PTPN4: variants seen among roughly 807,000 people sequenced by gnomAD.
PTPN4 encodes protein tyrosine phosphatase non-receptor type 4, also known as tyrosine-protein phosphatase non-receptor type 4.
PTPN4 carries 49 observed loss-of-function variants against 135.5 expected under a neutral mutation model. The ratio of observed to expected loss-of-function variants is 0.36; its 90% confidence interval spans 0.29 to 0.46. The LOEUF is 0.46. PTPN4 is among the 20% of genes least tolerant of loss of function. The pLI is 1.00. For synonymous variants in PTPN4, 333 were observed against 369.9 expected, an observed-to-expected ratio of 0.90 and a Z score of 1.14; for missense variants, 860 against 1,101.0, an observed-to-expected ratio of 0.78 and a Z score of 3.10.
At chr2:119,822,651 C>T (rs997795135) in intron 2 of PTPN4, among the ~76,000 whole-genome samples, 6 of 152,178 alleles carry the variant, frequency 3.9e-5, no homozygotes, top group African/African-American at 1.2e-4. Context: ...GCCACCGCAC[C>T]CGGCCTGTGT....
Position 119,946,396 on chromosome 2 carries a change from A to C in PTPN4, c.1571A>C (p.Glu524Ala), listed in dbSNP as rs371328492. ...NLVLIRMKPD[E>A]NGRFGFNVKG... The stretch of plus-strand genomic sequence containing the variant: ...GTCCTAATCAGAATGAAACCTGATG[A>C]AAATGGGAGGTTTGGATTCAATGTA... Residue 524 changes from glutamate (E) to alanine (A), a missense_variant, in exon 17 of 27, where the codon GAA (glutamate) becomes GCA (alanine). Physicochemically the swap from Glu to Ala is moderately radical, Grantham distance 107. Transcript: ENST00000263708. The C allele has an allele frequency of 6.2e-7, 1 of 1,611,708 alleles. No individual in the cohort carries two copies. Among genetic ancestry groups the C allele is most frequent in the Non-Finnish European group, 8.5e-7 (1 of 1,178,694 alleles).
At chr2:119,967,709 T>C in intron 25 of PTPN4, 128 bp from the exon 26 acceptor site, 1 of 768,594 alleles carries the variant, frequency 1.3e-6, no homozygotes, top group South Asian at 4.1e-5. Context: ...TTTGGCTTAC[T>C]ACTTTTATAA....
chr2:119,837,496 C>T (rs1000410032), intron 2 of PTPN4, among the ~76,000 whole-genome samples: 1 of 145,332 alleles, frequency 6.9e-6, no homozygotes, highest in African/African-American at 2.8e-5. Context: ...TCCGTGAACT[C>T]CTCTCTGCCT....
chr2:119,902,244 T>C (rs184295727), intron 10 of PTPN4, among the ~76,000 whole-genome samples: 1 of 152,176 alleles, frequency 6.6e-6, no homozygotes. Context: ...TCAGAAACCA[T>C]GTAAGCAAGA....
At chr2:119,765,914 C>CTGTGTGTGTG (rs61700411) in intron 1 of PTPN4, among the ~76,000 whole-genome samples, 4 of 150,258 alleles carry the variant, frequency 2.7e-5, no homozygotes, top group Admixed American at 6.6e-5. Flanking sequence ...GTGTGTGAAT[C>CTGTGTGTGTG]TGTGTGTGTG....
rs377290372 is a variant in PTPN4 at position 119,915,250 on chromosome 2, C to T, written c.828+8C>T. 30 of 1,507,328 alleles carry T rather than the reference C, an allele frequency of 2.0e-5. No individual in the cohort carries two copies. In the African/African-American group the frequency reaches 2.8e-4, roughly 14 times the overall value. The allele number at this position is 1,507,328 out of a possible 1,614,324, so 93.4% of individuals were successfully genotyped here. A position where few individuals can be genotyped will look rare whatever the true frequency, so the allele number is the denominator to read the frequency against. ...CAACTTAGAAAAGAATTGGTGAGTA[C>T]GGATTTAATAATTATTGACATAAAT... On this transcript the variant is annotated splice_region_variant and intron_variant, in intron 11 of 26. Transcript: ENST00000263708.
intron 1 of PTPN4, among the ~76,000 whole-genome samples, chr2:119,782,974 G>T (rs151165886): frequency 6.7e-6 from 1 of 148,474 alleles, no homozygotes; most frequent in African/African-American, 2.5e-5. Context: ...TTACAGGTGT[G>T]AGCCACCACG....
chr2:119,925,000 T>C (rs778903117), intron 12 of PTPN4, among the ~76,000 whole-genome samples: 1 of 152,200 alleles, frequency 6.6e-6, no homozygotes, highest in South Asian at 2.1e-4. Context: ...CAGGACTCCC[T>C]GGGCTGGAGT....
intron 1 of PTPN4, among the ~76,000 whole-genome samples, chr2:119,778,018 T>TTC (rs1574328387): frequency 1.3e-5 from 2 of 152,252 alleles, no homozygotes; most frequent in Non-Finnish European, 2.9e-5. Context: ...TTTTTTTTTT[T>TTC]TCCTCTAAAA....
chr2:119,849,342 C>G (rs1195514011), intron 2 of PTPN4, among the ~76,000 whole-genome samples: 1 of 152,006 alleles, frequency 6.6e-6, no homozygotes, highest in Non-Finnish European at 1.5e-5. Flanking sequence ...GCTTTGTCAC[C>G]CAGGCTGAAG....
At chr2:119,847,201 A>G (rs1677512903) in intron 2 of PTPN4, among the ~76,000 whole-genome samples, 1 of 147,824 alleles carries the variant, frequency 6.8e-6, no homozygotes, top group Non-Finnish European at 1.5e-5. Flanking sequence ...TATAGAGTAT[A>G]TATATACACA....
intron 10 of PTPN4, among the ~76,000 whole-genome samples, chr2:119,904,923 A>G (rs1474845241): frequency 6.6e-6 from 1 of 152,168 alleles, no homozygotes; most frequent in African/African-American, 2.4e-5. Context: ...TGGAAGTGAA[A>G]GGATGCTATG....
chr2:119,784,384 A>AT (rs35755705), intron 1 of PTPN4, among the ~76,000 whole-genome samples: 65,681 of 107,948 alleles, frequency 0.61, 22,344 homozygotes, highest in East Asian at 0.83. Flanking sequence ...TGCCCACCTA[A>AT]TTTTTTTTTT....
chr2:119,858,139 C>A (rs1186923552), intron 2 of PTPN4, among the ~76,000 whole-genome samples: 2 of 152,222 alleles, frequency 1.3e-5, no homozygotes, highest in East Asian at 3.8e-4. Context: ...GAACAGATAT[C>A]TGTGCTGTGT....
intron 5 of PTPN4, among the ~76,000 whole-genome samples, chr2:119,881,251 C>T (rs976875904): frequency 6.6e-6 from 1 of 152,208 alleles, no homozygotes; most frequent in African/African-American, 2.4e-5. Context: ...CCTGCCCCGC[C>T]AATCAAAGAG....
intron 2 of PTPN4, among the ~76,000 whole-genome samples, chr2:119,858,754 T>A (rs1386168546): frequency 6.6e-6 from 1 of 152,076 alleles, no homozygotes; most frequent in African/African-American, 2.4e-5. Context: ...TGCCTCAGCC[T>A]CCCGGGTAGC....
chr2:119,907,353 G>A (rs1268595779), intron 10 of PTPN4, among the ~76,000 whole-genome samples: 28 of 152,066 alleles, frequency 1.8e-4, no homozygotes, highest in Admixed American at 6.6e-5. Flanking sequence ...TAATCCTAGC[G>A]TTTTTGGAGG....
intron 2 of PTPN4, among the ~76,000 whole-genome samples, chr2:119,839,913 A>G (rs1677355137): frequency 6.6e-6 from 1 of 152,224 alleles, no homozygotes; most frequent in African/African-American, 2.4e-5. Context: ...ACTTATTGAC[A>G]GGCTTCCTTC....
chr2:119,877,036 CAATT>C (rs1677994805), intron 3 of PTPN4, among the ~76,000 whole-genome samples: 1 of 151,670 alleles, frequency 6.6e-6, no homozygotes, highest in South Asian at 2.1e-4. Flanking sequence ...CAGGTTGCTG[CAATT>C]ATTAACTATC....
Sources: allele counts gnomAD v4.1 joint callset (sites outside exome capture counted in the v4.1 genomes callset), GRCh38; gene constraint gnomAD v4.1.1; transcripts MANE v1.5; gene names NCBI Gene and HGNC (gene_info 2026-07-23, HGNC 2026-07-21).